The following LHFPL3 variants were observed in gnomAD, a reference collection of about 807,000 sequenced individuals.
LHFPL3 encodes the protein LHFPL tetraspan subfamily member 3.
LHFPL3 carries 5 observed loss-of-function variants against 19.3 expected under a neutral mutation model. The ratio of observed to expected loss-of-function variants is 0.26; its 90% CI spans 0.14 to 0.54. The LOEUF (loss-of-function observed/expected upper bound fraction) is 0.54. Among genes scored for constraint, LHFPL3 ranks in the 20% least tolerant of loss-of-function variants. The pLI is 0.94. For synonymous variants in LHFPL3, 133 were observed against 126.2 expected, an observed-to-expected ratio of 1.05 and a Z score of -0.36; for missense variants, 249 against 307.4, an observed-to-expected ratio of 0.81 and a Z score of 1.42.
intron 2 of LHFPL3, among the ~76,000 whole-genome samples, chr7:104,878,277 T>A (rs1181924329): frequency 6.6e-6 from 1 of 151,888 alleles, no homozygotes; most frequent in Admixed American, 6.6e-5. Context: ...CTTTTTTTTT[T>A]AAACAAATTG....
At chr7:104,477,269 G>T (rs1020300746) in intron 1 of LHFPL3, among the ~76,000 whole-genome samples, 2 of 152,304 alleles carry the variant, frequency 1.3e-5, no homozygotes, top group Admixed American at 6.5e-5. Context: ...GGGATTGCAG[G>T]TGTGAGCCAG....
chr7:104,415,872 C>T (rs1791610648), intron 1 of LHFPL3, among the ~76,000 whole-genome samples: 1 of 152,168 alleles, frequency 6.6e-6, no homozygotes, highest in Admixed American at 6.5e-5. Flanking sequence ...AATCAGGTCA[C>T]AGAGCATGAA....
At chr7:104,677,918 G>T (rs541909820) in intron 1 of LHFPL3, among the ~76,000 whole-genome samples, 3 of 152,166 alleles carry the variant, frequency 2.0e-5, no homozygotes, top group Non-Finnish European at 2.9e-5. Flanking sequence ...ACGGAACCAC[G>T]TGCAGAAATG....
chr7:104,903,943 T>C (rs541700635), intron 2 of LHFPL3, among the ~76,000 whole-genome samples: 3 of 152,338 alleles, frequency 2.0e-5, no homozygotes, highest in South Asian at 2.1e-4. Flanking sequence ...TTTGGGCATA[T>C]AGCCACTAAT....
At chr7:104,450,541 G>A (rs1347772637) in intron 1 of LHFPL3, among the ~76,000 whole-genome samples, 1 of 152,104 alleles carries the variant, frequency 6.6e-6, no homozygotes, top group Non-Finnish European at 1.5e-5. Flanking sequence ...TATGGACACA[G>A]GGAGGGGAAC....
At chr7:104,880,979 G>T (rs1201966761) in intron 2 of LHFPL3, among the ~76,000 whole-genome samples, 2 of 151,976 alleles carry the variant, frequency 1.3e-5, no homozygotes, top group Non-Finnish European at 1.5e-5. Flanking sequence ...GACCTTCCTG[G>T]CTAACACAAT....
At chr7:104,447,523 A>G (rs1395065438) in intron 1 of LHFPL3, among the ~76,000 whole-genome samples, 4 of 152,150 alleles carry the variant, frequency 2.6e-5, no homozygotes, top group African/African-American at 9.7e-5. Context: ...AGTTTCTTTA[A>G]TCAATGCCAC....
chr7:104,742,047 C>T (rs886487121), intron 2 of LHFPL3, among the ~76,000 whole-genome samples: 36 of 152,116 alleles, frequency 2.4e-4, no homozygotes, highest in Non-Finnish European at 2.1e-4. Flanking sequence ...TGCTTAATTG[C>T]ATATTTTAAC....
At chr7:104,510,173 T>C (rs926315875) in intron 1 of LHFPL3, among the ~76,000 whole-genome samples, 1 of 152,090 alleles carries the variant, frequency 6.6e-6, no homozygotes, top group Non-Finnish European at 1.5e-5. Context: ...TGATTATAGG[T>C]TTAGCACAAT....
chr7:104,837,814 G>C (rs1230569242), intron 2 of LHFPL3, among the ~76,000 whole-genome samples: 1 of 152,120 alleles, frequency 6.6e-6, no homozygotes, highest in Non-Finnish European at 1.5e-5. Flanking sequence ...CCACATTCCA[G>C]TGCCATTGCT....
At chr7:104,506,326 C>G (rs1793698251) in intron 1 of LHFPL3, among the ~76,000 whole-genome samples, 1 of 148,692 alleles carries the variant, frequency 6.7e-6, no homozygotes, top group African/African-American at 2.5e-5. Flanking sequence ...CATCGCTGAA[C>G]TCCTACTCAT....
At chr7:104,881,652 T>C (rs980324195) in intron 2 of LHFPL3, among the ~76,000 whole-genome samples, 1 of 152,228 alleles carries the variant, frequency 6.6e-6, no homozygotes, top group African/African-American at 2.4e-5. Context: ...GACAACAAAG[T>C]ATTTCAAATT....
chr7:104,721,540 A>T (rs558129238), intron 1 of LHFPL3, among the ~76,000 whole-genome samples: 16 of 97,000 alleles, frequency 1.6e-4, no homozygotes, highest in African/African-American at 4.2e-4. Flanking sequence ...AAGTATAATT[A>T]AAAAAAAAAA....
intron 2 of LHFPL3, among the ~76,000 whole-genome samples, chr7:104,780,377 T>C (rs1794698836): frequency 6.6e-6 from 1 of 152,160 alleles, no homozygotes; most frequent in African/African-American, 2.4e-5. Context: ...TCTCTCTGCC[T>C]CTTTCCCTTA....
intron 1 of LHFPL3, among the ~76,000 whole-genome samples, chr7:104,487,525 C>T (rs1218280027): frequency 1.3e-5 from 2 of 152,160 alleles, no homozygotes; most frequent in African/African-American, 2.4e-5. Flanking sequence ...CTAACGTGCA[C>T]ATCTTTGGGA....
At position 104,665,119 on chromosome 7, in the gene LHFPL3, A is replaced by C. The variant is rs149334239; in HGVS notation, c.446-71556A>C. Among the ~76,000 whole-genome samples the C allele has an allele frequency of 6.8e-4, 104 of 152,386 alleles. 1 individual carries two copies. Among genetic ancestry groups the C allele is most frequent in the African/African-American group, 2.4e-3 (101 of 41,600 alleles). On this transcript the variant is annotated intron_variant, in intron 1 of 2. Coordinates refer to ENST00000424859, the MANE Select transcript of LHFPL3 (RefSeq NM_199000.3). ...AGTTAAATATTTCTCACCCAGATAC[A>C]TAAGACTGCTAATGTAAAACTGGTT...
intron 2 of LHFPL3, among the ~76,000 whole-genome samples, chr7:104,861,539 C>G (rs1227035481): frequency 1.3e-5 from 2 of 152,052 alleles, no homozygotes; most frequent in East Asian, 3.9e-4. Context: ...CCCGGGTTAG[C>G]AACAGAGAGA....
At chr7:104,557,706 T>G (rs1789877069) in intron 1 of LHFPL3, among the ~76,000 whole-genome samples, 1 of 152,008 alleles carries the variant, frequency 6.6e-6, no homozygotes, top group Admixed American at 6.6e-5. Context: ...ACTTTAAGTT[T>G]TAGGGTACAT....
intron 2 of LHFPL3, 75 bp from the exon 3 acceptor site, chr7:104,906,112 A>G: frequency 7.1e-7 from 1 of 1,408,386 alleles, no homozygotes; most frequent in Non-Finnish European, 9.9e-7. Flanking sequence ...ATGCACAAAA[A>G]TCTTGCAGAC....
Sources: gnomAD v4.1 joint callset for allele counts (sites outside exome capture counted in the v4.1 genomes callset) on GRCh38, gnomAD v4.1.1 for gene constraint, MANE v1.5 for transcripts, NCBI Gene and HGNC (gene_info 2026-07-23, HGNC 2026-07-21) for gene names.